Variants in GPD2 observed in about 807,000 individuals in gnomAD.
GPD2 encodes the protein glycerol-3-phosphate dehydrogenase, mitochondrial.
A neutral mutation model predicts 82.4 loss-of-function variants in GPD2; 54 were observed. The ratio of observed to expected loss-of-function variants is 0.66; its 90% CI spans 0.53 to 0.82. The LOEUF (loss-of-function observed/expected upper bound fraction) is 0.82. Ranked by LOEUF, GPD2 falls within the 40% of genes least tolerant of loss-of-function variation. The pLI, the probability that GPD2 is intolerant of heterozygous loss-of-function variation, is 0.00. For synonymous variants in GPD2, 288 were observed against 306.1 expected, an observed-to-expected ratio of 0.94 and a Z score of 0.62; for missense variants, 748 against 896.2, an observed-to-expected ratio of 0.83 and a Z score of 2.11.
intron 1 of GPD2, among the ~76,000 whole-genome samples, chr2:156,444,013 A>G (rs1255385317): frequency 6.6e-6 from 1 of 152,156 alleles, no homozygotes; most frequent in Non-Finnish European, 1.5e-5. Flanking sequence ...CATTATAGCC[A>G]CTCAAGTGTG....
intron 2 of GPD2, among the ~76,000 whole-genome samples, chr2:156,483,222 A>T (rs2105215872): frequency 6.6e-6 from 1 of 152,358 alleles, no homozygotes. Flanking sequence ...AAATAAAGCA[A>T]CATTTAGCTT....
At chr2:156,509,119 A>G (rs184507910) in intron 3 of GPD2, among the ~76,000 whole-genome samples, 1 of 152,330 alleles carries the variant, frequency 6.6e-6, no homozygotes, top group Admixed American at 6.5e-5. Context: ...TGAGAATTTT[A>G]CAGGTCTTTC....
chr2:156,519,419 G>A (rs144731865), intron 6 of GPD2, among the ~76,000 whole-genome samples: 428 of 152,282 alleles, frequency 2.8e-3, no homozygotes, highest in Non-Finnish European at 4.7e-3. Context: ...TATTGAATAA[G>A]AGGAGGTATT....
chr2:156,546,454 A>G (rs1686540410), intron 6 of GPD2, among the ~76,000 whole-genome samples: 1 of 152,216 alleles, frequency 6.6e-6, no homozygotes, highest in Non-Finnish European at 1.5e-5. Context: ...ATGAAAATAT[A>G]TCACGTATAT....
At chr2:156,479,118 TAGTACTATG>T (rs1683629918) in intron 2 of GPD2, among the ~76,000 whole-genome samples, 1 of 152,242 alleles carries the variant, frequency 6.6e-6, no homozygotes, top group African/African-American at 2.4e-5. Context: ...GGTGATGAGA[TAGTACTATG>T]AGTGTTTAGG....
chr2:156,547,723 G>T (rs920713584), intron 6 of GPD2, among the ~76,000 whole-genome samples: 1 of 152,156 alleles, frequency 6.6e-6, no homozygotes, highest in African/African-American at 2.4e-5. Flanking sequence ...AGAGCTTGAA[G>T]AACTATAACC....
At position 156,569,466 on chromosome 2, in the gene GPD2, C is replaced by T. The variant is rs1212357702; in HGVS notation, c.1404C>T (p.Phe468=). 1 of 1,612,690 alleles carries T rather than the reference C, an allele frequency of 6.2e-7. No individual in the cohort carries two copies. Among genetic ancestry groups the T allele is most frequent in the South Asian group, 1.1e-5 (1 of 91,056 alleles). Residue 468 remains phenylalanine (F), a synonymous_variant, in exon 11 of 17, where the codon TTC becomes TTT. Transcript: ENST00000438166. ...GACCAAGTAGAACAGTTGGGCTTTT[C>T]CTTCAAGGGGGTAAAGATTGGAGCC... ...KAGPSRTVGL[F]LQGGKDWSPT... is the part of the protein sequence containing the mutation.
chr2:156,492,797 G>A (rs1434608259), intron 2 of GPD2, among the ~76,000 whole-genome samples: 1 of 152,106 alleles, frequency 6.6e-6, no homozygotes, highest in Non-Finnish European at 1.5e-5. Flanking sequence ...CTTAAGAGAC[G>A]GGGAGCTCTC....
chr2:156,549,706 A>G lies in GPD2; in HGVS notation c.760A>G (p.Lys254Glu), dbSNP rs1172623616. ...TTACATGGAGGTAGTGAGCTTGCTCAAGAAGACAGACCCCCAGACAGGGAA... is the reference window on the plus strand; with the variant it reads ...TTACATGGAGGTAGTGAGCTTGCTCGAGAAGACAGACCCCCAGACAGGGAA... ...ANYMEVVSLL[K>E]KTDPQTGKVR... is the part of the protein sequence containing the mutation. The change falls in exon 7 of 17, where the codon AAG becomes GAG. Residue 254 changes from lysine to glutamate, a missense_variant. Physicochemically the swap from Lys to Glu is moderately conservative, Grantham distance 56. This residue lies in a region of GPD2 where 692 missense variants were observed against 809.7 expected (regional missense o/e 0.85). Transcript: ENST00000438166. 1 of 1,614,110 alleles carries G rather than the reference A, an allele frequency of 6.2e-7. No homozygotes were observed. The highest frequency in any genetic ancestry group is 8.5e-7 in the Non-Finnish European group (1 of 1,179,926).
chr2:156,413,683 T>C, the GPD2 span, among the ~76,000 whole-genome samples: 1 of 152,086 alleles, frequency 6.6e-6, no homozygotes, highest in Admixed American at 6.6e-5. Flanking sequence ...GGTGGGCGGA[T>C]CACCTAAGGT....
chr2:156,465,124 T>C (rs1024780808), intron 1 of GPD2, among the ~76,000 whole-genome samples: 1 of 152,218 alleles, frequency 6.6e-6, no homozygotes, highest in African/African-American at 2.4e-5. Context: ...GTGCTGGGAT[T>C]ACAGGCATGA....
At chr2:156,457,972 T>C (rs1156298306) in intron 1 of GPD2, among the ~76,000 whole-genome samples, 2 of 152,236 alleles carry the variant, frequency 1.3e-5, no homozygotes, top group Admixed American at 6.5e-5. Context: ...AGCTAGTAAG[T>C]GGCTAAGTTG....
chr2:156,471,044 T>C (rs1683310772), intron 1 of GPD2, among the ~76,000 whole-genome samples: 1 of 152,230 alleles, frequency 6.6e-6, no homozygotes, highest in African/African-American at 2.4e-5. Context: ...CAAGCTGAGC[T>C]TCTCTTCTTC....
chr2:156,405,469 T>C, the GPD2 span, among the ~76,000 whole-genome samples: 1 of 152,078 alleles, frequency 6.6e-6, no homozygotes, highest in African/African-American at 2.4e-5. Context: ...CCTTAGGGAA[T>C]GACAAGAATT....
intron 2 of GPD2, among the ~76,000 whole-genome samples, chr2:156,481,714 G>A (rs1280908380): frequency 1.3e-5 from 2 of 151,538 alleles, no homozygotes. Context: ...GAACTCCTGA[G>A]CTCAAGTTCA....
intron 1 of GPD2, among the ~76,000 whole-genome samples, chr2:156,452,539 G>C (rs936664808): frequency 6.6e-6 from 1 of 152,206 alleles, no homozygotes; most frequent in African/African-American, 2.4e-5. Flanking sequence ...CATGGAAAGA[G>C]AGGGAGAGGG....
chr2:156,439,552 A>AAAAG (rs1682081123), intron 1 of GPD2, among the ~76,000 whole-genome samples: 1 of 137,946 alleles, frequency 7.2e-6, no homozygotes, highest in Admixed American at 7.6e-5. Flanking sequence ...AAAAAAAAAA[A>AAAAG]ACAAGCCAGG....
Position 156,570,149 on chromosome 2 carries a change from T to C in GPD2, c.1539T>C (p.Ser513=), listed in dbSNP as rs200567871. The change falls in exon 12 of 17, where the codon AGT becomes AGC. Residue 513 remains serine (S), a synonymous_variant. Transcript: ENST00000438166. ...CCTTTGAGGTGGCCAAAATGGCAAG[T>C]GTGACTGGCAAAAGGTGGCCTATTG... is the stretch of plus-strand genomic sequence containing the variant. ...DKAFEVAKMA[S]VTGKRWPIVG... is the part of the protein sequence containing the mutation. 3 of 1,612,604 alleles carry C rather than the reference T, an allele frequency of 1.9e-6. No individual in the cohort carries two copies. In the East Asian group the frequency reaches 6.7e-5, roughly 36 times the overall value.
intron 1 of GPD2, among the ~76,000 whole-genome samples, chr2:156,451,645 G>T (rs1426832146): frequency 7.1e-6 from 1 of 141,650 alleles, no homozygotes; most frequent in Admixed American, 6.8e-5. Flanking sequence ...GGGGCGGCTG[G>T]GCAGAGGCGC....
Sources: allele counts gnomAD v4.1 joint callset (sites outside exome capture counted in the v4.1 genomes callset), GRCh38; gene constraint gnomAD v4.1.1; regional missense constraint gnomAD v4.1.1; transcripts MANE v1.5; gene names NCBI Gene and HGNC (gene_info 2026-07-23, HGNC 2026-07-21).